Variants in UBR1 observed in about 807,000 individuals in gnomAD.
The protein encoded by UBR1 is ubiquitin protein ligase E3 component n-recognin 1, also known as E3 ubiquitin-protein ligase UBR1.
UBR1 carries 102 observed loss-of-function variants against 242.1 expected under a neutral mutation model. The ratio of observed to expected loss-of-function variants is 0.42; its 90% CI spans 0.36 to 0.50. The LOEUF is 0.50. UBR1 is among the 20% of genes least tolerant of loss of function. UBR1 has a pLI of 0.01. For missense variants in UBR1, 1,772 were observed against 2,101.8 expected (o/e 0.84, Z 3.07); for synonymous variants, 675 against 684.8 (o/e 0.99, Z 0.22).
intron 33 of UBR1, among the ~76,000 whole-genome samples, chr15:42,992,523 T>C (rs1386968181): frequency 6.6e-6 from 1 of 152,230 alleles, no homozygotes; most frequent in Non-Finnish European, 1.5e-5. Context: ...GGTGTTTTGA[T>C]CTGCCCAGCA....
rs745608602 is a variant in UBR1, at chr15:43,037,857, C to T, written c.1938G>A (p.Val646=). Residue 646 remains valine (V), a synonymous_variant, in exon 17 of 47, where the codon GTG becomes GTA. Transcript: ENST00000290650. ...SFEDFQVEVL[V]EYPLRCLVLV... ...ACACCAGACAACGTAAAGGATATTC[C>T]ACTAGTACCTCTACTTGAAAGTCCT... is the stretch of plus-strand genomic sequence containing the variant. The T allele has an allele frequency of 1.2e-6, 2 of 1,614,024 alleles. No homozygotes were observed. Among genetic ancestry groups the T allele is most frequent in the Non-Finnish European group, 1.7e-6 (2 of 1,179,980 alleles).
rs770657169 is a variant in UBR1 at position 43,012,665 on chromosome 15, A to ATGT, written c.3209+3020_3209+3022dup. On this transcript the variant is annotated intron_variant, in intron 29 of 46. Transcript: ENST00000290650. Reference sequence around the variant, plus strand: ...TTCTTTCTCACTATTTCTAAATAGTATGTTGTTAATACATAATATCTAGAG... The same window carrying ATGT: ...TTCTTTCTCACTATTTCTAAATAGTATGTTGTTGTTAATACATAATATCTAGAG... 6.6e-5 allele frequency among the ~76,000 whole-genome samples: 10 copies of ATGT among 152,204 alleles called. No homozygotes were observed. The East Asian group carries it at 7.7e-4, about 12-fold the overall frequency.
rs187483688 is a variant in UBR1 at position 43,102,442 on chromosome 15, A to T, written c.81+3500T>A. 9.8e-5 allele frequency among the ~76,000 whole-genome samples: 15 copies of T among 152,320 alleles called. No individual in the cohort carries two copies. In the East Asian group the frequency reaches 2.5e-3, roughly 25 times the overall value. ...ATGACACAGAGATATAAATTTGGGAACTGAATACATACAAATGGTATTTAA... is the reference window on the plus strand; with the variant it reads ...ATGACACAGAGATATAAATTTGGGATCTGAATACATACAAATGGTATTTAA... On this transcript the variant is annotated intron_variant, in intron 1 of 46. Transcript: ENST00000290650.
chr15:43,075,218 T>C (rs1051348026), intron 3 of UBR1, 129 bp from the exon 4 acceptor site: 3 of 824,962 alleles, frequency 3.6e-6, no homozygotes, highest in Non-Finnish European at 4.2e-6. Context: ...TAATATTAAC[T>C]GGATGTAACA....
At chr15:43,105,790 GACTA>G (rs2034289314) in intron 1 of UBR1, 148 bp downstream of exon 1, 4 of 714,920 alleles carry the variant, frequency 5.6e-6, no homozygotes, top group Non-Finnish European at 7.2e-6. Context: ...TGTGGGTTGC[GACTA>G]ACTTTTTATT....
chr15:42,948,894 A>G (rs950885192), intron 46 of UBR1, among the ~76,000 whole-genome samples: 7 of 152,198 alleles, frequency 4.6e-5, no homozygotes, highest in African/African-American at 1.7e-4. Flanking sequence ...ATCTAGAACT[A>G]GAAATACCAT....
At chr15:42,949,195 C>A (rs886629828) in intron 46 of UBR1, among the ~76,000 whole-genome samples, 2 of 145,768 alleles carry the variant, frequency 1.4e-5, no homozygotes, top group African/African-American at 5.1e-5. Context: ...AACCAAACAC[C>A]ATATGTTCTC....
intron 1 of UBR1, among the ~76,000 whole-genome samples, chr15:43,094,617 T>C (rs1018515432): frequency 6.6e-6 from 1 of 152,182 alleles, no homozygotes; most frequent in South Asian, 2.1e-4. Flanking sequence ...TTGGTTAAAG[T>C]GCAGACAACT....
intron 19 of UBR1, among the ~76,000 whole-genome samples, chr15:43,034,526 T>C (rs2033304831): frequency 6.6e-6 from 1 of 152,046 alleles, no homozygotes; most frequent in African/African-American, 2.4e-5. Flanking sequence ...TTTATAGATG[T>C]ACATACTGAA....
chr15:43,032,946 T>A (rs187598198), intron 19 of UBR1, among the ~76,000 whole-genome samples: 8 of 152,326 alleles, frequency 5.3e-5, no homozygotes, highest in African/African-American at 1.9e-4. Context: ...CCTGCGTTAG[T>A]GAGAAAGTGC....
chr15:43,065,724 T>C (rs1251562427), intron 6 of UBR1, among the ~76,000 whole-genome samples: 2 of 152,198 alleles, frequency 1.3e-5, no homozygotes, highest in African/African-American at 4.8e-5. Flanking sequence ...TAATGATCAA[T>C]GATGTTGAGC....
At chr15:43,090,508 A>T (rs2034094117) in intron 1 of UBR1, among the ~76,000 whole-genome samples, 1 of 152,116 alleles carries the variant, frequency 6.6e-6, no homozygotes. Flanking sequence ...GGGTACTCAT[A>T]CACAAACAAC....
chr15:43,074,917 T>C, intron 4 of UBR1, 62 bp downstream of exon 4: 7 of 1,312,602 alleles, frequency 5.3e-6, no homozygotes, highest in Admixed American at 1.7e-5. Flanking sequence ...ATAACATTTA[T>C]TCTTATCTAA....
chr15:42,971,466 T>C (rs998664054), intron 39 of UBR1, among the ~76,000 whole-genome samples: 2 of 152,240 alleles, frequency 1.3e-5, no homozygotes, highest in African/African-American at 4.8e-5. Context: ...GATATACAAA[T>C]GTCTACCTTG....
intron 40 of UBR1, among the ~76,000 whole-genome samples, chr15:42,969,776 C>T (rs1346349688): frequency 6.6e-6 from 1 of 152,126 alleles, no homozygotes; most frequent in African/African-American, 2.4e-5. Flanking sequence ...CCTAGGAATA[C>T]AACTTAAAAG....
intron 43 of UBR1, 101 bp downstream of exon 43, chr15:42,960,544 G>T: frequency 8.5e-7 from 1 of 1,174,464 alleles, no homozygotes; most frequent in Non-Finnish European, 1.3e-6. Context: ...TGTACTGAGT[G>T]AGAATGAAGA....
chr15:42,990,564 G>A (rs1195838707), intron 33 of UBR1, among the ~76,000 whole-genome samples: 1 of 152,180 alleles, frequency 6.6e-6, no homozygotes, highest in Non-Finnish European at 1.5e-5. Flanking sequence ...TCGCCATCCA[G>A]ATAACCACTG....
At chr15:42,953,826 T>G (rs1346620011) in intron 44 of UBR1, among the ~76,000 whole-genome samples, 5 of 152,036 alleles carry the variant, frequency 3.3e-5, no homozygotes, top group Non-Finnish European at 5.9e-5. Flanking sequence ...CTCATTGTGA[T>G]TAATAAAGAC....
chr15:43,020,523 C>G (rs2033096072), intron 27 of UBR1, among the ~76,000 whole-genome samples: 1 of 152,256 alleles, frequency 6.6e-6, no homozygotes, highest in Non-Finnish European at 1.5e-5. Context: ...AGTTTCCTTA[C>G]TTGTATGCCT....
Sources: gnomAD v4.1 joint callset for allele counts (sites outside exome capture counted in the v4.1 genomes callset) on GRCh38, gnomAD v4.1.1 for gene constraint, MANE v1.5 for transcripts, NCBI Gene and HGNC (gene_info 2026-07-23, HGNC 2026-07-21) for gene names.